TKT: variants seen among roughly 807,000 people sequenced by gnomAD.
TKT encodes transketolase, also known as epididymis luminal protein 107.
In TKT, 47 loss-of-function variants were observed where a neutral mutation model predicts 63.9. The ratio of observed to expected loss-of-function variants is 0.74; its 90% confidence interval spans 0.58 to 0.94. TKT has a LOEUF of 0.94. TKT is among the 40% of genes least tolerant of loss of function. The pLI is 0.00. For missense variants in TKT, 721 were observed against 846.2 expected (o/e 0.85, Z 1.84); for synonymous variants, 338 against 334.1 (o/e 1.01, Z -0.13).
chr3:53,245,209 G>A (rs897931029), intron 1 of TKT, among the ~76,000 whole-genome samples: 1 of 151,786 alleles, frequency 6.6e-6, no homozygotes, highest in Middle Eastern at 3.4e-3. Flanking sequence ...GGGAAGCTGA[G>A]GCAGGAGAAT....
At position 53,241,262 on chromosome 3, in the gene TKT, G is replaced by A. The variant is rs1553679806; in HGVS notation, c.226-17C>T. On this transcript the variant is annotated splice_polypyrimidine_tract_variant and intron_variant, in intron 2 of 13. Transcript: ENST00000462138. Reference sequence around the variant, plus strand: ...TGCATGGCCCTGCCGGGAGATGGATGGTGGGGTGAGGTCAGGTGGGGAGCG... The same window carrying A: ...TGCATGGCCCTGCCGGGAGATGGATAGTGGGGTGAGGTCAGGTGGGGAGCG... The A allele has an allele frequency of 1.9e-6, 3 of 1,590,110 alleles. No homozygotes were observed. Among genetic ancestry groups the A allele is most frequent in the Non-Finnish European group, 2.6e-6 (3 of 1,170,850 alleles).
chr3:53,237,493 T>TACACACACACAC (rs1491469313), intron 4 of TKT, among the ~76,000 whole-genome samples: 1 of 93,742 alleles, frequency 1.1e-5, no homozygotes, highest in Non-Finnish European at 2.0e-5. Context: ...GATTTTATAT[T>TACACACACACAC]ATACACACAC....
intron 1 of TKT, among the ~76,000 whole-genome samples, chr3:53,247,719 T>G (rs1258903626): frequency 6.6e-6 from 1 of 151,714 alleles, no homozygotes; most frequent in Admixed American, 6.6e-5. Flanking sequence ...GTTCTTGCTC[T>G]TCCTGTGCCC....
intron 1 of TKT, among the ~76,000 whole-genome samples, chr3:53,250,980 A>G (rs1553681565): frequency 6.6e-6 from 1 of 152,048 alleles, no homozygotes; most frequent in East Asian, 1.9e-4. Flanking sequence ...TATGTTGCCC[A>G]GTTTGGTCCT....
chr3:53,250,306 C>G (rs1379888592), intron 1 of TKT, among the ~76,000 whole-genome samples: 1 of 152,164 alleles, frequency 6.6e-6, no homozygotes, highest in African/African-American at 2.4e-5. Flanking sequence ...AGCCTTCAGC[C>G]AAAGCACCTG....
intron 1 of TKT, 37 bp downstream of exon 1, chr3:53,255,799 G>T (rs1442671268): frequency 7.2e-7 from 1 of 1,387,508 alleles, no homozygotes; most frequent in Non-Finnish European, 9.5e-7. Flanking sequence ...CCCCCGCCCC[G>T]CCCGAGCCGC....
At chr3:53,248,682 C>T (rs782030225) in intron 1 of TKT, among the ~76,000 whole-genome samples, 2 of 151,576 alleles carry the variant, frequency 1.3e-5, no homozygotes, top group Non-Finnish European at 2.9e-5. Flanking sequence ...ACATGGATGA[C>T]CCTCTAAAAA....
intron 10 of TKT, 190 bp from the exon 11 acceptor site, chr3:53,228,549 A>G: frequency 1.6e-6 from 1 of 618,626 alleles, no homozygotes; most frequent in Non-Finnish European, 2.8e-6. Flanking sequence ...AGAACTGCCC[A>G]CCACCTTGCA....
intron 4 of TKT, among the ~76,000 whole-genome samples, chr3:53,237,017 C>T (rs567169164): frequency 4.6e-5 from 7 of 152,330 alleles, no homozygotes; most frequent in South Asian, 4.1e-4. Flanking sequence ...AACTACCTTA[C>T]GTGTCCAACA....
intron 4 of TKT, among the ~76,000 whole-genome samples, chr3:53,236,982 G>A (rs544951339): frequency 2.6e-5 from 4 of 152,192 alleles, no homozygotes; most frequent in South Asian, 2.1e-4. Flanking sequence ...ACAGAAGGTC[G>A]ACATTTGTTG....
Position 53,229,323 on chromosome 3 carries a change from C to T in TKT, c.1221G>A (p.Glu407=), listed in dbSNP as rs1553676380. 1.2e-6 allele frequency: 2 copies of T among 1,613,952 alleles called. No homozygotes were observed. Among genetic ancestry groups the T allele is most frequent in the East Asian group, 2.2e-5 (1 of 44,866 alleles). ...GGGAGCCGCAGAGGTTGATGTTGCT[C>T]TCGGAGATGGCGGCCATGCGAATCT... ...FDQIRMAAIS[E]SNINLCGSHC... The change falls in exon 9 of 14, where the codon GAG becomes GAA. Residue 407 remains glutamate (E), a synonymous_variant. Coordinates refer to ENST00000462138, the MANE Select transcript of TKT (RefSeq NM_001064.4).
chr3:53,233,091 G>C, intron 6 of TKT, 65 bp downstream of exon 6: 1 of 1,402,304 alleles, frequency 7.1e-7, no homozygotes, highest in Non-Finnish European at 1.0e-6. Flanking sequence ...GTGCGGGTCA[G>C]AGCTACGTAG....
chr3:53,242,358 C>T (rs1705320405), intron 1 of TKT, 116 bp from the exon 2 acceptor site: 4 of 973,278 alleles, frequency 4.1e-6, no homozygotes, highest in African/African-American at 1.6e-5. Flanking sequence ...ACAGGCCTGG[C>T]TTATCAGACA....
intron 6 of TKT, chr3:53,232,311 C>A: frequency 2.5e-6 from 1 of 399,184 alleles, no homozygotes; most frequent in Non-Finnish European, 4.4e-6. Flanking sequence ...TCCCAGAGCC[C>A]TTTCCTCGAC....
intron 6 of TKT, chr3:53,231,760 T>G: frequency 1.8e-6 from 1 of 569,552 alleles, no homozygotes; most frequent in South Asian, 2.3e-5. Context: ...CCACTCACTG[T>G]CTACTGCCTG....
At chr3:53,236,702 A>G (rs1231654848) in intron 4 of TKT, among the ~76,000 whole-genome samples, 1 of 152,198 alleles carries the variant, frequency 6.6e-6, no homozygotes, top group Non-Finnish European at 1.5e-5. Context: ...ACCCACTTCC[A>G]GGGAAGTCGA....
chr3:53,228,047 TCTC>T lies in TKT; in HGVS notation c.1573+6_1573+8del, dbSNP rs781813217. The T allele has an allele frequency of 1.2e-5, 19 of 1,611,896 alleles. No individual in the cohort carries two copies. Among genetic ancestry groups the T allele is most frequent in the Admixed American group, 3.3e-5 (2 of 59,976 alleles). On this transcript the variant is annotated splice_donor_region_variant and intron_variant, in intron 12 of 13. Coordinates refer to ENST00000462138, the MANE Select transcript of TKT (RefSeq NM_001064.4). ...TCAGTTGATGACTTTGGAGGCCCCT[TCTC>T]CTCACCTTTCTTCAGCAGTTCGGCA...
intron 10 of TKT, chr3:53,228,651 CG>C (rs1274259850): frequency 4.0e-6 from 2 of 503,894 alleles, no homozygotes; most frequent in Admixed American, 6.6e-5. Flanking sequence ...AGGAACCACG[CG>C]CACTGGGTCT....
intron 8 of TKT, among the ~76,000 whole-genome samples, chr3:53,229,788 C>T (rs534722649): frequency 5.9e-5 from 9 of 152,154 alleles, no homozygotes; most frequent in Non-Finnish European, 1.0e-4. Flanking sequence ...CCCAGCCCCA[C>T]GCCCTGCAGA....
Sources: allele counts gnomAD v4.1 joint callset (sites outside exome capture counted in the v4.1 genomes callset), GRCh38; gene constraint gnomAD v4.1.1; transcripts MANE v1.5; gene names NCBI Gene and HGNC (gene_info 2026-07-23, HGNC 2026-07-21).